WDHD1: variants seen among roughly 807,000 people sequenced by gnomAD.
WDHD1 encodes WD repeat and HMG-box DNA binding protein 1, also known as WD repeat and HMG-box DNA-binding protein 1.
In WDHD1, 111 loss-of-function variants were observed where a neutral mutation model predicts 135.4. The observed-to-expected ratio is 0.82, with a 90% CI of 0.70 to 0.96. The LOEUF (loss-of-function observed/expected upper bound fraction) is 0.96, where lower values mean the gene tolerates loss of function less well. Among genes scored for constraint, WDHD1 ranks in the 40% least tolerant of loss-of-function variants. The pLI is 0.00. For synonymous variants in WDHD1, 434 were observed against 439.0 expected (o/e 0.99, Z 0.14); for missense variants, 1,351 against 1,336.3 (o/e 1.01, Z -0.17).
Position 55,007,341 on chromosome 14 carries a change from C to T in WDHD1, c.539G>A (p.Cys180Tyr). 1.2e-6 allele frequency: 2 copies of T among 1,605,218 alleles called. No individual in the cohort carries two copies. The highest frequency in any genetic ancestry group is 2.3e-5 in the South Asian group (2 of 87,724). ...CAISWPLLQK[C>Y]NDVINAKSIC... Reference sequence around the variant, plus strand: ...TGATTTTGCATTTATCACATCGTTGCATTTTTGTAGCAGTGGCCAACTAAT... The same window carrying T: ...TGATTTTGCATTTATCACATCGTTGTATTTTTGTAGCAGTGGCCAACTAAT... Residue 180 changes from cysteine (C) to tyrosine (Y), a missense_variant, in exon 7 of 26, where the codon TGC becomes TAC. Transcript: ENST00000360586.
At chr14:54,974,404 G>A (rs1219565487) in intron 16 of WDHD1, among the ~76,000 whole-genome samples, 1 of 150,344 alleles carries the variant, frequency 6.7e-6, no homozygotes, top group East Asian at 1.9e-4. Context: ...CTGCACTCCA[G>A]TCTGGGCAAC....
chr14:54,943,220 C>A (rs1435056089), intron 25 of WDHD1, among the ~76,000 whole-genome samples: 2 of 152,126 alleles, frequency 1.3e-5, no homozygotes, highest in African/African-American at 2.4e-5. Flanking sequence ...TTATCAGAAG[C>A]AAGCCAGCCA....
intron 11 of WDHD1, among the ~76,000 whole-genome samples, chr14:54,993,136 G>A (rs2041818592): frequency 6.6e-6 from 1 of 151,606 alleles, no homozygotes; most frequent in South Asian, 2.1e-4. Context: ...GTTTTTTTCT[G>A]AGACAGGGTC....
intron 3 of WDHD1, among the ~76,000 whole-genome samples, chr14:55,011,524 CAAAAAAAAAAAA>C (rs60615259): frequency 2.0e-5 from 1 of 51,000 alleles, no homozygotes; most frequent in Non-Finnish European, 3.4e-5. Flanking sequence ...AACTCTGTCT[CAAAAAAAAAAAA>C]AAAAAAAAAA....
chr14:54,954,603 T>C (rs2041120828), intron 24 of WDHD1, among the ~76,000 whole-genome samples: 1 of 152,248 alleles, frequency 6.6e-6, no homozygotes, highest in South Asian at 2.1e-4. Flanking sequence ...AGTAGAGAAC[T>C]ACATGAACTA....
chr14:54,999,623 G>A (rs2041947130), intron 10 of WDHD1, among the ~76,000 whole-genome samples: 1 of 151,834 alleles, frequency 6.6e-6, no homozygotes. Context: ...TTTTTAGATG[G>A]GGTATCACTG....
rs1595109839 is a variant in WDHD1 at position 55,000,966 on chromosome 14, G to A, written c.720C>T (p.Pro240=). The A allele has an allele frequency of 7.6e-6, 12 of 1,587,002 alleles. No individual in the cohort carries two copies. The highest frequency in any genetic ancestry group is 1.0e-5 in the Non-Finnish European group (12 of 1,168,058). Residue 240 remains proline, a synonymous_variant, in exon 9 of 26, where the codon CCC becomes CCT. Coordinates refer to ENST00000360586, the MANE Select transcript of WDHD1 (RefSeq NM_007086.4). ...SQTLNIVTWS[P]CGQYLAAGSI... ...TACCTGCAGCTAAATATTGCCCACA[G>A]GGAGACCAGGTTACTATATTGAGGG... is the stretch of plus-strand genomic sequence containing the variant.
chr14:54,964,149 G>T lies in WDHD1; in HGVS notation c.2311-977C>A, dbSNP rs1595072950. ...GAAAAACAACAAACTGAGAAAAGTT[G>T]GTATTTTGAAGATTACTAAGGGTCT... On this transcript the variant is annotated intron_variant, in intron 18 of 25. Transcript: ENST00000360586. Among the ~76,000 whole-genome samples, 3 of 151,928 alleles carry T rather than the reference G, an allele frequency of 2.0e-5. No homozygotes were observed. The East Asian group carries it at 5.8e-4, about 29-fold the overall frequency.
intron 16 of WDHD1, among the ~76,000 whole-genome samples, chr14:54,979,755 C>A (rs1289724650): frequency 6.6e-6 from 1 of 152,174 alleles, no homozygotes; most frequent in Non-Finnish European, 1.5e-5. Flanking sequence ...AGAAAAGTCT[C>A]CTATACTATC....
Position 54,939,975 on chromosome 14 carries a change from CCTTTA to C in WDHD1, c.*1510_*1514del, listed in dbSNP as rs1234808560. 6.6e-6 allele frequency: 1 copy of C among 152,088 alleles called. No individual in the cohort carries two copies. Among genetic ancestry groups the C allele is most frequent in the Non-Finnish European group, 1.5e-5 (1 of 68,024 alleles). 9.4% of individuals were successfully genotyped at this position (152,088 alleles called of 1,614,324 possible). ...TGCTTTCCAATGTACTATAAATAAA[CCTTTA>C]CTTAAGATCTTGAAATCAAAATTAG... is the stretch of plus-strand genomic sequence containing the variant. On this transcript the variant is annotated 3_prime_UTR_variant, in exon 26 of 26. Coordinates refer to ENST00000360586, the MANE Select transcript of WDHD1 (RefSeq NM_007086.4).
chr14:55,018,786 TG>T (rs1359836197), intron 2 of WDHD1, among the ~76,000 whole-genome samples: 2 of 152,220 alleles, frequency 1.3e-5, no homozygotes, highest in African/African-American at 4.8e-5. Flanking sequence ...CCAGGCATGG[TG>T]GCTCACGCCT....
chr14:54,966,702 T>G, intron 17 of WDHD1, 96 bp from the exon 18 acceptor site: 1 of 1,289,678 alleles, frequency 7.8e-7, no homozygotes, highest in East Asian at 2.6e-5. Context: ...TTGAATAAAA[T>G]ATGTTCTGAA....
rs141466064 is a variant in WDHD1, at chr14:54,991,240, T to G, written c.1314A>C (p.Thr438=). Residue 438 remains threonine, a synonymous_variant, in exon 12 of 26, where the codon ACA becomes ACC. Transcript: ENST00000360586. ...PRQKPFQSGS[T]PLHLTHRFMV... is the part of the protein sequence containing the mutation. ...TGAATCTGTGAGTGAGATGCAACGGTGTAGAACCTGACTGAAATGGCTTTT... is the reference window on the plus strand; with the variant it reads ...TGAATCTGTGAGTGAGATGCAACGGGGTAGAACCTGACTGAAATGGCTTTT... 8.1e-6 allele frequency: 13 copies of G among 1,606,986 alleles called. No individual in the cohort carries two copies. In the African/African-American group the frequency reaches 1.7e-4, roughly 22 times the overall value.
intron 16 of WDHD1, among the ~76,000 whole-genome samples, chr14:54,971,382 GC>G (rs1398795743): frequency 6.6e-6 from 1 of 152,086 alleles, no homozygotes; most frequent in Non-Finnish European, 1.5e-5. Flanking sequence ...TTTGAGACCA[GC>G]CTGGGCAACA....
At chr14:54,983,817 C>G (rs2041656099) in intron 15 of WDHD1, among the ~76,000 whole-genome samples, 1 of 150,264 alleles carries the variant, frequency 6.7e-6, no homozygotes. Context: ...CCATGCCCAG[C>G]CAAAAAAAAA....
At chr14:54,954,357 G>A (rs1292049906) in intron 24 of WDHD1, among the ~76,000 whole-genome samples, 1 of 152,158 alleles carries the variant, frequency 6.6e-6, no homozygotes, top group Non-Finnish European at 1.5e-5. Flanking sequence ...TACTGTGTTT[G>A]TGGACAAAGA....
In WDHD1 at chr14:54,957,595, A is replaced by C; in HGVS notation, c.2742T>G (p.Phe914Leu). ...AACATCACTTGGAAGAGTTTACCTT[A>C]AAGGGATTTACTCGTCCTTGGCTGC... is the stretch of plus-strand genomic sequence containing the variant. The part of the protein sequence containing the change: ...TFSSQGRVNP[F>L]KVSASSKEPA... Residue 914 changes from phenylalanine to leucine, a missense_variant, in exon 22 of 26, where the codon TTT (phenylalanine) becomes TTG (leucine). By Grantham distance (22) the Phe-to-Leu change is conservative. Coordinates refer to ENST00000360586, the MANE Select transcript of WDHD1 (RefSeq NM_007086.4). 1.9e-6 allele frequency: 3 copies of C among 1,602,306 alleles called. No individual in the cohort carries two copies. Among genetic ancestry groups the C allele is most frequent in the Non-Finnish European group, 2.5e-6 (3 of 1,176,700 alleles).
intron 18 of WDHD1, among the ~76,000 whole-genome samples, chr14:54,965,683 C>T (rs554055439): frequency 5.9e-5 from 9 of 152,222 alleles, no homozygotes; most frequent in South Asian, 2.1e-4. Flanking sequence ...AGGCTGGGCA[C>T]GGTGGCTCAT....
chr14:54,964,903 TA>T (rs1321407869), intron 18 of WDHD1, among the ~76,000 whole-genome samples: 3 of 152,192 alleles, frequency 2.0e-5, no homozygotes, highest in Non-Finnish European at 4.4e-5. Flanking sequence ...GTTGTACAAA[TA>T]AAAAGGCTAC....
Sources: allele counts gnomAD v4.1 joint callset (sites outside exome capture counted in the v4.1 genomes callset), GRCh38; gene constraint gnomAD v4.1.1; transcripts MANE v1.5; gene names NCBI Gene and HGNC (gene_info 2026-07-23, HGNC 2026-07-21).